The following NEDD4L variants were observed in gnomAD, a reference collection of about 807,000 sequenced individuals.
The protein encoded by NEDD4L is NEDD4 like E3 ubiquitin protein ligase.
Under a neutral mutation model 148.9 loss-of-function variants are expected in NEDD4L, and 54 were observed. The observed-to-expected ratio is 0.36, with a 90% CI of 0.29 to 0.45. The LOEUF (loss-of-function observed/expected upper bound fraction) is 0.45, where lower values mean the gene tolerates loss of function less well. Among genes scored for constraint, NEDD4L ranks in the 20% least tolerant of loss-of-function variants. The pLI, the probability that NEDD4L is intolerant of heterozygous loss-of-function variation, is 1.00. For synonymous variants in NEDD4L, 433 were observed against 440.7 expected (o/e 0.98, Z 0.22); for missense variants, 856 against 1,233.8 (o/e 0.69, Z 4.59).
chr18:58,230,765 A>G (rs1181483338), intron 2 of NEDD4L, among the ~76,000 whole-genome samples: 1 of 152,184 alleles, frequency 6.6e-6, no homozygotes, highest in Non-Finnish European at 1.5e-5. Context: ...ACTATTTTCC[A>G]AACATGTAAC....
intron 2 of NEDD4L, chr18:58,221,904 G>A (rs891726794): frequency 9.9e-6 from 2 of 202,484 alleles, no homozygotes; most frequent in African/African-American, 2.4e-5. Context: ...ATGCTTTTTG[G>A]TGTTCACAGT....
chr18:58,374,621 G>A (rs1340849664), intron 24 of NEDD4L, among the ~76,000 whole-genome samples: 4 of 151,912 alleles, frequency 2.6e-5, no homozygotes, highest in African/African-American at 7.3e-5. Context: ...CCCCAGGACC[G>A]AGAGTACTGG....
chr18:58,065,255 T>C (rs1031980420), intron 1 of NEDD4L, among the ~76,000 whole-genome samples: 1 of 152,244 alleles, frequency 6.6e-6, no homozygotes, highest in African/African-American at 2.4e-5. Context: ...GCAACGTTTT[T>C]TTCATTGTCA....
chr18:58,367,657 G>A (rs1054059545), intron 21 of NEDD4L, 89 bp from the exon 22 acceptor site: 2 of 1,447,396 alleles, frequency 1.4e-6, no homozygotes, highest in African/African-American at 1.4e-5. Flanking sequence ...CAGGGACACT[G>A]TAAAAGTTGA....
At chr18:58,151,622 G>GAT (rs1375549546) in intron 1 of NEDD4L, among the ~76,000 whole-genome samples, 7 of 60,934 alleles carry the variant, frequency 1.1e-4, no homozygotes, top group African/African-American at 3.9e-4. Flanking sequence ...GCTGTGCCTG[G>GAT]ATATGTGTGT....
In NEDD4L at chr18:58,149,948, G is replaced by A. The variant is rs921727501; in HGVS notation, c.49-15840G>A. On this transcript the variant is annotated intron_variant, in intron 1 of 30. Transcript: ENST00000400345. ...TAGTGAGAAATGACACTCTGCTGTG[G>A]ATGGTAATTTATTTCTGTGTAATTG... 5.3e-5 allele frequency among the ~76,000 whole-genome samples: 8 copies of A among 152,180 alleles called. No individual in the cohort carries two copies. In the East Asian group the frequency reaches 1.5e-3, roughly 29 times the overall value.
chr18:58,081,523 A>T (rs1258735996), intron 1 of NEDD4L, among the ~76,000 whole-genome samples: 1 of 152,002 alleles, frequency 6.6e-6, no homozygotes, highest in Non-Finnish European at 1.5e-5. Flanking sequence ...CTGGAACACC[A>T]CCCATTTTTT....
chr18:58,081,713 C>T (rs919252767), intron 1 of NEDD4L, among the ~76,000 whole-genome samples: 4 of 152,016 alleles, frequency 2.6e-5, no homozygotes, highest in South Asian at 2.1e-4. Context: ...GTTTCTGAAC[C>T]TATGTGGTAC....
chr18:58,241,206 T>A (rs760189515), intron 2 of NEDD4L, among the ~76,000 whole-genome samples: 1 of 152,222 alleles, frequency 6.6e-6, no homozygotes, highest in African/African-American at 2.4e-5. Context: ...GCTACTATTA[T>A]ACCCATTACA....
chr18:58,096,735 T>A (rs8088743), intron 1 of NEDD4L, among the ~76,000 whole-genome samples: 135,683 of 152,056 alleles, frequency 0.89, 60,859 homozygotes, highest in East Asian at 1. Context: ...GTTTTGTTTT[T>A]AAAAAAGAAC....
intron 5 of NEDD4L, chr18:58,255,718 G>C: frequency 8.1e-7 from 1 of 1,232,414 alleles, no homozygotes; most frequent in Non-Finnish European, 1.0e-6. Context: ...TAGACCAGGA[G>C]AGAGAAGACG....
In NEDD4L at chr18:58,234,436, A is replaced by G. The variant is rs1227136190; in HGVS notation, c.123-10991A>G. ...AGCCTCAGCCTCCCTGGCCTAAGCA[A>G]TCCTCTCACCTCAGCCTCTTGAGTA... is the stretch of plus-strand genomic sequence containing the variant. On this transcript the variant is annotated intron_variant, in intron 2 of 30. Coordinates refer to ENST00000400345, the MANE Select transcript of NEDD4L (RefSeq NM_001144967.3). Among the ~76,000 whole-genome samples the G allele has an allele frequency of 2.0e-5, 3 of 150,698 alleles. 1 individual carries two copies. The highest frequency in any genetic ancestry group is 4.4e-5 in the Non-Finnish European group (3 of 67,798).
At chr18:58,323,656 G>T (rs989115929) in intron 8 of NEDD4L, among the ~76,000 whole-genome samples, 2 of 152,126 alleles carry the variant, frequency 1.3e-5, no homozygotes, top group Non-Finnish European at 2.9e-5. Flanking sequence ...GCAACTCTTT[G>T]TAAATTCTTT....
At chr18:58,124,715 C>G (rs965971141) in intron 1 of NEDD4L, among the ~76,000 whole-genome samples, 5 of 152,234 alleles carry the variant, frequency 3.3e-5, no homozygotes, top group African/African-American at 1.2e-4. Flanking sequence ...ACGGCACCAG[C>G]TCTTACCTGG....
intron 2 of NEDD4L, among the ~76,000 whole-genome samples, chr18:58,226,941 A>G (rs1166281127): frequency 6.6e-6 from 1 of 152,174 alleles, no homozygotes; most frequent in Non-Finnish European, 1.5e-5. Context: ...CAAATATGCA[A>G]TTGTTATATT....
At chr18:58,149,001 G>A (rs948664106) in intron 1 of NEDD4L, among the ~76,000 whole-genome samples, 6 of 152,146 alleles carry the variant, frequency 3.9e-5, no homozygotes, top group Admixed American at 2.0e-4. Flanking sequence ...TAATATTTTT[G>A]TCTTGGTTGA....
intron 2 of NEDD4L, among the ~76,000 whole-genome samples, chr18:58,180,207 C>T (rs1376642404): frequency 1.3e-5 from 2 of 152,068 alleles, no homozygotes; most frequent in East Asian, 3.8e-4. Flanking sequence ...TGCGCTCTTC[C>T]TCCTCTGTGC....
chr18:58,184,591 T>C (rs2039234851), intron 2 of NEDD4L, among the ~76,000 whole-genome samples: 1 of 152,094 alleles, frequency 6.6e-6, no homozygotes, highest in East Asian at 1.9e-4. Context: ...CACAGTGTAG[T>C]CCAGAAATGT....
chr18:58,156,434 C>A (rs545932425), intron 1 of NEDD4L, among the ~76,000 whole-genome samples: 9 of 152,284 alleles, frequency 5.9e-5, no homozygotes, highest in African/African-American at 2.2e-4. Context: ...ATTATTCCTG[C>A]GCTTTGTCTT....
Sources: allele counts gnomAD v4.1 joint callset (sites outside exome capture counted in the v4.1 genomes callset), GRCh38; gene constraint gnomAD v4.1.1; transcripts MANE v1.5; gene names NCBI Gene and HGNC (gene_info 2026-07-23, HGNC 2026-07-21).